The following GSPT1 variants were observed in gnomAD, a reference collection of about 807,000 sequenced individuals.
The protein encoded by GSPT1 is G1 to S phase transition 1.
GSPT1 carries 20 observed loss-of-function variants against 72.5 expected under a neutral mutation model. The observed-to-expected ratio is 0.28, with a 90% confidence interval of 0.19 to 0.40. GSPT1 has a LOEUF of 0.40. GSPT1 is among the 10% of genes least tolerant of loss of function. The pLI, the probability that GSPT1 is intolerant of heterozygous loss-of-function variation, is 1.00. For synonymous variants in GSPT1, 334 were observed against 293.5 expected (o/e 1.14, Z -1.41); for missense variants, 580 against 811.9 (o/e 0.71, Z 3.47).
chr16:11,898,441 C>G (rs988638062), intron 1 of GSPT1, among the ~76,000 whole-genome samples: 2 of 107,068 alleles, frequency 1.9e-5, no homozygotes, highest in Admixed American at 1.1e-4. Flanking sequence ...GTGATTAGCC[C>G]TTTTTTTTTT....
upstream of GSPT1, among the ~76,000 whole-genome samples, chr16:11,916,618 T>G (rs961564130): frequency 6.6e-6 from 1 of 152,160 alleles, no homozygotes; most frequent in Non-Finnish European, 1.5e-5. Context: ...GAAGAAACAA[T>G]AAAACCGTGA....
At chr16:11,900,037 T>C (rs1450775849) in intron 1 of GSPT1, among the ~76,000 whole-genome samples, 1 of 152,150 alleles carries the variant, frequency 6.6e-6, no homozygotes, top group South Asian at 2.1e-4. Context: ...ATCCTATCAA[T>C]ATGTATTGAG....
rs145007134 is a variant in GSPT1, at chr16:11,871,685, T to C, written c.*1434A>G. 10 of 152,352 alleles carry C rather than the reference T, an allele frequency of 6.6e-5. No individual in the cohort carries two copies. Among genetic ancestry groups the C allele is most frequent in the South Asian group, 4.1e-4 (2 of 4,834 alleles). The allele number at this position is 152,352 out of a possible 1,614,324, so 9.4% of individuals were successfully genotyped here. On this transcript the variant is annotated 3_prime_UTR_variant, in exon 15 of 15. Coordinates refer to ENST00000434724, the MANE Select transcript of GSPT1 (RefSeq NM_002094.4). ...TAGGGAAGAGACTTGTCATTAAATA[T>C]ACAAAGTATCTTATTTAGAGAGAAA...
intron 6 of GSPT1, chr16:11,890,716 T>TC (rs1319412056): frequency 5.9e-6 from 1 of 169,720 alleles, no homozygotes; most frequent in African/African-American, 2.4e-5. Flanking sequence ...CAGGGATGTT[T>TC]CCTGCTTCCC....
At chr16:11,914,008 C>T (rs1380653697) in intron 1 of GSPT1, among the ~76,000 whole-genome samples, 1 of 152,154 alleles carries the variant, frequency 6.6e-6, no homozygotes, top group Non-Finnish European at 1.5e-5. Context: ...TCTGTAGAAA[C>T]CAAACTCCTG....
At chr16:11,893,492 G>A (rs1172574823) in intron 5 of GSPT1, among the ~76,000 whole-genome samples, 1 of 152,016 alleles carries the variant, frequency 6.6e-6, no homozygotes, top group Non-Finnish European at 1.5e-5. Flanking sequence ...AAAAAAAATT[G>A]CAACAATGTT....
chr16:11,903,693 A>G (rs546778870), intron 1 of GSPT1, among the ~76,000 whole-genome samples: 19 of 152,250 alleles, frequency 1.2e-4, no homozygotes, highest in African/African-American at 4.6e-4. Context: ...CCTGTCTCCA[A>G]AAAAAAGGAA....
At chr16:11,885,778 A>G (rs1596461423) in intron 9 of GSPT1, among the ~76,000 whole-genome samples, 1 of 152,004 alleles carries the variant, frequency 6.6e-6, no homozygotes, top group South Asian at 2.1e-4. Flanking sequence ...TACAGTCCCT[A>G]CGACTTGGGA....
In GSPT1 at chr16:11,892,517, A is replaced by AAAATAAT. The variant is rs1199617489; in HGVS notation, c.699-1379_699-1378insATTATTT. Among the ~76,000 whole-genome samples, 388 of 124,232 alleles carry AAAATAAT rather than the reference A, an allele frequency of 3.1e-3. 15 individuals carry two copies. Among genetic ancestry groups the AAAATAAT allele is most frequent in the African/African-American group, 0.014 (374 of 26,658 alleles). The allele number at this position is 124,232 out of a possible 152,430, so 81.5% of individuals were successfully genotyped here. On this transcript the variant is annotated intron_variant, in intron 5 of 14. Coordinates refer to ENST00000434724, the MANE Select transcript of GSPT1 (RefSeq NM_002094.4). ...GGGAGACCCTTTCTCAAAAAAACAA[A>AAAATAAT]AAAAACAAAAAAAACAAAAAATAAA...
chr16:11,873,337 A>T (rs1312356297), intron 14 of GSPT1, among the ~76,000 whole-genome samples, 166 bp from the exon 15 acceptor site: 1 of 152,192 alleles, frequency 6.6e-6, no homozygotes, highest in Non-Finnish European at 1.5e-5. Context: ...AGTCTTAATA[A>T]GAGGGTCTTA....
chr16:11,900,002 T>C (rs1023279010), intron 1 of GSPT1, among the ~76,000 whole-genome samples: 1 of 152,178 alleles, frequency 6.6e-6, no homozygotes, highest in African/African-American at 2.4e-5. Context: ...TGTGTCTCCA[T>C]CTGCTATGTA....
At chr16:11,892,849 A>G (rs917796373) in intron 5 of GSPT1, among the ~76,000 whole-genome samples, 19 of 149,674 alleles carry the variant, frequency 1.3e-4, no homozygotes, top group African/African-American at 3.7e-4. Flanking sequence ...AAAAAAAAAA[A>G]AAAAAAGAAA....
intron 3 of GSPT1, 42 bp downstream of exon 3, chr16:11,897,797 GA>G: frequency 1.0e-6 from 1 of 956,356 alleles, no homozygotes. Flanking sequence ...GAGAGTGAAA[GA>G]GTTTCATATT....
intron 14 of GSPT1, 48 bp downstream of exon 14, chr16:11,875,713 G>A (rs2054039688): frequency 7.2e-7 from 1 of 1,389,692 alleles, no homozygotes; most frequent in Non-Finnish European, 1.0e-6. Context: ...GATGACCAAA[G>A]CTAGGTATCC....
intron 1 of GSPT1, among the ~76,000 whole-genome samples, chr16:11,905,073 A>G (rs149610802): frequency 2.6e-5 from 4 of 152,352 alleles, no homozygotes; most frequent in Non-Finnish European, 5.9e-5. Context: ...GTATCAAACA[A>G]TAACAACAAA....
rs763951074 is a variant in GSPT1 at position 11,870,479 on chromosome 16, C to G, written c.*2640G>C. On this transcript the variant is annotated 3_prime_UTR_variant, in exon 15 of 15. Coordinates refer to ENST00000434724, the MANE Select transcript of GSPT1 (RefSeq NM_002094.4). ...AGAGAACAAATGCTTAGGTAATACC[C>G]TAAATATGCAGCCAACTACCCTATT... The G allele has an allele frequency of 4.6e-5, 7 of 152,152 alleles. No individual in the cohort carries two copies. Among genetic ancestry groups the G allele is most frequent in the South Asian group, 2.1e-4 (1 of 4,832 alleles). 9.4% of individuals were successfully genotyped at this position (152,152 alleles called of 1,614,324 possible).
rs1019058112 is a variant in GSPT1, at chr16:11,870,168, CACTT to C, written c.*2947_*2950del. The C allele has an allele frequency of 5.3e-5, 8 of 151,874 alleles. No individual in the cohort carries two copies. Among genetic ancestry groups the C allele is most frequent in the African/African-American group, 1.9e-4 (8 of 41,384 alleles). The allele number at this position is 151,874 out of a possible 1,614,324, so 9.4% of individuals were successfully genotyped here. On this transcript the variant is annotated 3_prime_UTR_variant, in exon 15 of 15. Transcript: ENST00000434724. Reference sequence around the variant, plus strand: ...TACTCAGTAACACTTTACTATTTGTCACTTAATCTCAAGACAATACACACTCAGT... The same window carrying C: ...TACTCAGTAACACTTTACTATTTGTCAATCTCAAGACAATACACACTCAGT...
At position 11,877,594 on chromosome 16, in the gene GSPT1, C is replaced by A; in HGVS notation, c.1429-14G>T. On this transcript the variant is annotated splice_polypyrimidine_tract_variant and intron_variant, in intron 11 of 14. Transcript: ENST00000434724. The surrounding 1 kb of genome is among the most constrained non-coding windows in gnomAD (Gnocchi z 4.0). The stretch of plus-strand genomic sequence containing the variant: ...TTCCACGTTGTGCTTTAAAAGAAAA[C>A]AAGACTGGAGGTTTTCTGACACATT... The A allele has an allele frequency of 1.3e-6, 2 of 1,555,920 alleles. No individual in the cohort carries two copies. Among genetic ancestry groups the A allele is most frequent in the South Asian group, 1.2e-5 (1 of 83,652 alleles).
intron 1 of GSPT1, among the ~76,000 whole-genome samples, chr16:11,898,400 TTC>T (rs1340847644): frequency 3.3e-5 from 5 of 151,538 alleles, no homozygotes; most frequent in African/African-American, 4.9e-5. Flanking sequence ...CTTCCCGTGA[TTC>T]TCTCTAGGTA....
Sources: gnomAD v4.1 joint callset for allele counts (sites outside exome capture counted in the v4.1 genomes callset) on GRCh38, gnomAD v4.1.1 for gene constraint, Gnocchi (gnomAD v3.1) non-coding constraint, MANE v1.5 for transcripts, NCBI Gene and HGNC (gene_info 2026-07-23, HGNC 2026-07-21) for gene names.